MAP3K4: variants seen among roughly 807,000 people sequenced by gnomAD.
MAP3K4 encodes the protein MAP three kinase 1.
MAP3K4 carries 67 observed loss-of-function variants against 185.6 expected under a neutral mutation model. That is an observed-to-expected ratio of 0.36 (90% CI 0.30 to 0.44). The LOEUF is 0.44. MAP3K4 is among the 20% of genes least tolerant of loss of function. The probability of loss-of-function intolerance (pLI) is 1.00; values close to 1 mark genes in which losing one functional copy is unlikely to be tolerated. For missense variants in MAP3K4, 1,551 were observed against 1,995.1 expected, an observed-to-expected ratio of 0.78 and a Z score of 4.24; for synonymous variants, 702 against 710.4, an observed-to-expected ratio of 0.99 and a Z score of 0.19.
In MAP3K4 at chr6:161,092,023, T is replaced by C. The variant is rs770375636; in HGVS notation, c.3149T>C (p.Val1050Ala). 10 of 1,611,700 alleles carry C rather than the reference T, an allele frequency of 6.2e-6. No homozygotes were observed. In the East Asian group the frequency reaches 1.3e-4, roughly 22 times the overall value. ...YNFGFEYHKE[V>A]VRLMSGEFRQ... ...ATCTTCTTACAGTATCATAAAGAAGTTGTTCGTTTGATGTCTGGGGAGTTT... is the reference window on the plus strand; with the variant it reads ...ATCTTCTTACAGTATCATAAAGAAGCTGTTCGTTTGATGTCTGGGGAGTTT... The change falls in exon 13 of 27, where the codon GTT becomes GCT. Residue 1050 changes from valine to alanine, a missense_variant. Val to Ala is a moderately conservative substitution (Grantham distance 64, BLOSUM62 0). Transcript: ENST00000392142.
intron 1 of MAP3K4, among the ~76,000 whole-genome samples, chr6:161,025,345 G>A (rs370715068): frequency 6.6e-6 from 1 of 152,172 alleles, no homozygotes; most frequent in Non-Finnish European, 1.5e-5. Flanking sequence ...AGCTCTTTCT[G>A]TGCCGTCAAA....
intron 1 of MAP3K4, among the ~76,000 whole-genome samples, chr6:161,015,050 G>A (rs915911065): frequency 3.3e-5 from 5 of 151,990 alleles, no homozygotes; most frequent in South Asian, 2.1e-4. Flanking sequence ...TTCACTTAGC[G>A]TAAGATTTTC....
In MAP3K4 at chr6:161,106,737, A is replaced by G; in HGVS notation, c.4048+32A>G. 1 of 1,550,008 alleles carries G rather than the reference A, an allele frequency of 6.5e-7. No homozygotes were observed. The highest frequency in any genetic ancestry group is 8.8e-7 in the Non-Finnish European group (1 of 1,136,104). On this transcript the variant is annotated intron_variant, in intron 20 of 26. Transcript: ENST00000392142. This position sits in a 1 kb window ranked among gnomAD's most constrained non-coding sequence, Gnocchi z 4.9. ...AAATTAAGGAGCATGATGTCAAGATAGTCCCTGTTAGAAGTAGCAATAGTT... is the reference window on the plus strand; with the variant it reads ...AAATTAAGGAGCATGATGTCAAGATGGTCCCTGTTAGAAGTAGCAATAGTT...
At position 161,073,662 on chromosome 6, in the gene MAP3K4, T is replaced by C; in HGVS notation, c.2097+50T>C. The C allele has an allele frequency of 1.9e-6, 3 of 1,575,378 alleles. No individual in the cohort carries two copies. The highest frequency in any genetic ancestry group is 2.6e-6 in the Non-Finnish European group (3 of 1,160,336). The stretch of plus-strand genomic sequence containing the variant: ...TTCTTTCTTTCTTTGTTTCTTTTTT[T>C]AAAAAAGTAAGCCTGTATTTCCTTG... On this transcript the variant is annotated intron_variant, in intron 5 of 26. Transcript: ENST00000392142. The surrounding 1 kb of genome is among the most constrained non-coding windows in gnomAD (Gnocchi z 4.2).
Position 161,115,421 on chromosome 6 carries a change from A to G in MAP3K4, c.4806+119A>G, listed in dbSNP as rs1208314998. 1.6e-5 allele frequency: 15 copies of G among 952,400 alleles called. No individual in the cohort carries two copies. The highest frequency in any genetic ancestry group is 2.3e-5 in the Non-Finnish European group (15 of 654,834). 59.0% of individuals were successfully genotyped at this position (952,400 alleles called of 1,614,324 possible). ...GCTATATCTGAAGTGGAAAGGAACT[A>G]AATGTATTATTATGCCAGGGATTTT... On this transcript the variant is annotated intron_variant, in intron 26 of 26. Transcript: ENST00000392142. The surrounding 1 kb of genome is among the most constrained non-coding windows in gnomAD (Gnocchi z 6.0).
chr6:161,069,120 T>G (rs1260994577), intron 3 of MAP3K4, among the ~76,000 whole-genome samples: 2 of 152,232 alleles, frequency 1.3e-5, no homozygotes, highest in African/African-American at 4.8e-5. Context: ...TAAGAGGTAG[T>G]TGATGGCTCT....
rs779507764 is a variant in MAP3K4 at position 161,087,746 on chromosome 6, A to T, written c.2615A>T (p.Glu872Val). The T allele has an allele frequency of 6.2e-7, 1 of 1,613,884 alleles. No individual in the cohort carries two copies. Among genetic ancestry groups the T allele is most frequent in the African/African-American group, 1.3e-5 (1 of 74,944 alleles). ...QMFVPDTLAE[E>V]KSIILQLLNA... Reference sequence around the variant, plus strand: ...TTTGTTCCAGACACTCTTGCTGAGGAGAAGAGTATTATTTTGCAGTTACTC... The same window carrying T: ...TTTGTTCCAGACACTCTTGCTGAGGTGAAGAGTATTATTTTGCAGTTACTC... Residue 872 changes from glutamate to valine, a missense_variant, in exon 10 of 27, where the codon GAG (glutamate) becomes GTG (valine). Physicochemically the swap from Glu to Val is moderately radical, Grantham distance 121. Coordinates refer to ENST00000392142, the MANE Select transcript of MAP3K4 (RefSeq NM_005922.4). The surrounding 1 kb of genome is among the most constrained non-coding windows in gnomAD (Gnocchi z 4.9).
At position 161,017,103 on chromosome 6, in the gene MAP3K4, A is replaced by C. The variant is rs1782152041; in HGVS notation, c.153-17156A>C. Among the ~76,000 whole-genome samples the C allele has an allele frequency of 6.6e-6, 1 of 152,186 alleles. No homozygotes were observed. The highest frequency in any genetic ancestry group is 2.4e-5 in the African/African-American group (1 of 41,462). On this transcript the variant is annotated intron_variant, in intron 1 of 26. Coordinates refer to ENST00000392142, the MANE Select transcript of MAP3K4 (RefSeq NM_005922.4). This position sits in a 1 kb window ranked among gnomAD's most constrained non-coding sequence, Gnocchi z 5.1. ...CACTGAAAAAAGAATTTTAGAAGCGAAAAAAGAACAACAAAGGCCTTAGTT... is the reference window on the plus strand; with the variant it reads ...CACTGAAAAAAGAATTTTAGAAGCGCAAAAAGAACAACAAAGGCCTTAGTT...
Position 161,087,610 on chromosome 6 carries a change from C to T in MAP3K4, c.2557-78C>T. 4 of 1,499,154 alleles carry T rather than the reference C, an allele frequency of 2.7e-6. No individual in the cohort carries two copies. The highest frequency in any genetic ancestry group is 2.2e-4 in the Middle Eastern group (1 of 4,476). 92.9% of individuals were successfully genotyped at this position (1,499,154 alleles called of 1,614,324 possible). A position where few individuals can be genotyped will look rare whatever the true frequency, so the allele number is the denominator to read the frequency against. On this transcript the variant is annotated intron_variant, in intron 9 of 26. Transcript: ENST00000392142. This position sits in a 1 kb window ranked among gnomAD's most constrained non-coding sequence, Gnocchi z 4.9. ...TTTCCCTTTCCCAAACCTGCCTCTC[C>T]TTTCCTAGGTTTGTTTTAAATAACC...
chr6:161,036,795 C>T (rs1473659810), intron 2 of MAP3K4, among the ~76,000 whole-genome samples: 1 of 152,180 alleles, frequency 6.6e-6, no homozygotes, highest in African/African-American at 2.4e-5. Flanking sequence ...CTACATGCTC[C>T]AGAGTCTGAG....
chr6:161,023,970 C>G (rs1175882352), intron 1 of MAP3K4, among the ~76,000 whole-genome samples: 4 of 151,978 alleles, frequency 2.6e-5, no homozygotes, highest in African/African-American at 9.7e-5. Context: ...AATTTTCTCT[C>G]TTTTATTTTT....
intron 1 of MAP3K4, among the ~76,000 whole-genome samples, chr6:160,998,803 A>G (rs944217330): frequency 6.6e-6 from 1 of 152,228 alleles, no homozygotes; most frequent in Non-Finnish European, 1.5e-5. Flanking sequence ...CTATATTTTA[A>G]AAGATACATT....
intron 1 of MAP3K4, among the ~76,000 whole-genome samples, chr6:161,023,225 G>A (rs527495167): frequency 6.6e-6 from 1 of 151,984 alleles, no homozygotes; most frequent in East Asian, 1.9e-4. Flanking sequence ...CTCTTTTTAG[G>A]CAGTCTATTT....
Position 160,992,024 on chromosome 6 carries a change from G to T in MAP3K4, c.93G>T (p.Pro31=). ...AMEEPPPPPP[P]PPPPPEPETE... The stretch of plus-strand genomic sequence containing the variant: ...AGGAGCCGCCGCCACCGCCGCCGCC[G>T]CCACCACCGCCACCGGAACCCGAGA... The change falls in exon 1 of 27, where the codon CCG becomes CCT. Residue 31 remains proline (P), a synonymous_variant. Coordinates refer to ENST00000392142, the MANE Select transcript of MAP3K4 (RefSeq NM_005922.4). The T allele has an allele frequency of 6.4e-7, 1 of 1,556,858 alleles. No individual in the cohort carries two copies. The highest frequency in any genetic ancestry group is 1.8e-5 in the Admixed American group (1 of 54,396).
chr6:161,029,347 C>G (rs889091095), intron 1 of MAP3K4, among the ~76,000 whole-genome samples: 2 of 152,258 alleles, frequency 1.3e-5, no homozygotes, highest in South Asian at 2.1e-4. Flanking sequence ...TTTCAGGCAC[C>G]ATTGTGGTTT....
intron 1 of MAP3K4, among the ~76,000 whole-genome samples, chr6:161,024,959 C>T (rs563324511): frequency 6.6e-6 from 1 of 152,276 alleles, no homozygotes; most frequent in South Asian, 2.1e-4. Context: ...GTCAGACTGT[C>T]TGCCTATCTG....
rs185395077 is a variant in MAP3K4, at chr6:161,110,840, A to T, written c.4396+926A>T. ...TCTGGGGTCATCCTGATGTTGGCTT[A>T]ACTGGCTCTGTACCAGGCCGTAGCA... is the stretch of plus-strand genomic sequence containing the variant. On this transcript the variant is annotated intron_variant, in intron 23 of 26. Coordinates refer to ENST00000392142, the MANE Select transcript of MAP3K4 (RefSeq NM_005922.4). The surrounding 1 kb of genome is among the most constrained non-coding windows in gnomAD (Gnocchi z 4.8). Among the ~76,000 whole-genome samples, 1 of 152,240 alleles carries T rather than the reference A, an allele frequency of 6.6e-6. No individual in the cohort carries two copies. The highest frequency in any genetic ancestry group is 2.4e-5 in the African/African-American group (1 of 41,540).
chr6:161,109,973 A>AC lies in MAP3K4; in HGVS notation c.4396+59_4396+60insC. ...GAGCCACTGGTACCCAGCCCGTGGG[A>AC]GGTGCTCTGAAGACGCTCATCCCAT... On this transcript the variant is annotated intron_variant, in intron 23 of 26. Transcript: ENST00000392142. This position sits in a 1 kb window ranked among gnomAD's most constrained non-coding sequence, Gnocchi z 5.7. The AC allele has an allele frequency of 6.3e-7, 1 of 1,582,762 alleles. No individual in the cohort carries two copies. The highest frequency in any genetic ancestry group is 8.7e-7 in the Non-Finnish European group (1 of 1,155,318).
chr6:161,042,916 ACACAC>A (rs1783551197), intron 2 of MAP3K4, among the ~76,000 whole-genome samples: 1 of 112,284 alleles, frequency 8.9e-6, no homozygotes, highest in Non-Finnish European at 1.8e-5. Flanking sequence ...TTGCACACAC[ACACAC>A]ACACACACAC....
Sources: gnomAD v4.1 joint callset for allele counts (sites outside exome capture counted in the v4.1 genomes callset) on GRCh38, gnomAD v4.1.1 for gene constraint, Gnocchi (gnomAD v3.1) non-coding constraint, MANE v1.5 for transcripts, NCBI Gene and HGNC (gene_info 2026-07-23, HGNC 2026-07-21) for gene names.